The following PTPRM variants were observed in gnomAD, a reference collection of about 807,000 sequenced individuals.
PTPRM encodes the protein receptor-type tyrosine-protein phosphatase mu.
PTPRM carries 47 observed loss-of-function variants against 186.7 expected under a neutral mutation model. The ratio of observed to expected loss-of-function variants is 0.25; its 90% CI spans 0.20 to 0.32. The LOEUF is 0.32. Among genes scored for constraint, PTPRM ranks in the 10% least tolerant of loss-of-function variants. The pLI, the probability that PTPRM is intolerant of heterozygous loss-of-function variation, is 1.00. For synonymous variants in PTPRM, 668 were observed against 674.9 expected (o/e 0.99, Z 0.16); for missense variants, 1,494 against 1,865.0 (o/e 0.80, Z 3.66).
At chr18:8,095,580 G>T (rs906600230) in intron 11 of PTPRM, among the ~76,000 whole-genome samples, 3 of 152,100 alleles carry the variant, frequency 2.0e-5, no homozygotes, top group African/African-American at 7.2e-5. Context: ...AGGAAGAGCT[G>T]CAGCAGCAAT....
chr18:8,401,126 A>G (rs2095870217), intron 32 of PTPRM, among the ~76,000 whole-genome samples: 3 of 151,610 alleles, frequency 2.0e-5, no homozygotes, highest in Admixed American at 2.0e-4. Flanking sequence ...GTTTCCCAGT[A>G]AGCATTTTCT....
intron 23 of PTPRM, among the ~76,000 whole-genome samples, chr18:8,345,753 G>A (rs1295420306): frequency 6.6e-6 from 1 of 151,696 alleles, no homozygotes; most frequent in South Asian, 2.1e-4. Flanking sequence ...CATTTTAAGA[G>A]GTTAGTATAA....
intron 23 of PTPRM, among the ~76,000 whole-genome samples, chr18:8,367,738 C>A (rs1281920313): frequency 6.6e-6 from 1 of 152,182 alleles, no homozygotes. Context: ...CCCAATAATC[C>A]CAAAGAAACC....
intron 7 of PTPRM, among the ~76,000 whole-genome samples, chr18:8,000,510 G>T (rs1234844793): frequency 6.6e-6 from 1 of 152,144 alleles, no homozygotes; most frequent in Non-Finnish European, 1.5e-5. Flanking sequence ...TGGGGGCCCA[G>T]CTTCAATTCA....
chr18:7,730,390 G>T (rs1327983340), intron 1 of PTPRM, among the ~76,000 whole-genome samples: 1 of 152,030 alleles, frequency 6.6e-6, no homozygotes, highest in East Asian at 1.9e-4. Flanking sequence ...GAGTTCCTAT[G>T]GTTCCTCCTC....
At chr18:7,780,656 G>A (rs2042811715) in intron 2 of PTPRM, among the ~76,000 whole-genome samples, 1 of 152,144 alleles carries the variant, frequency 6.6e-6, no homozygotes, top group South Asian at 2.1e-4. Flanking sequence ...TAGCAATGGA[G>A]TTTCTAGCCT....
At chr18:7,727,338 C>G (rs563710736) in intron 1 of PTPRM, among the ~76,000 whole-genome samples, 15 of 152,110 alleles carry the variant, frequency 9.9e-5, no homozygotes, top group African/African-American at 3.6e-4. Context: ...AGTTTATTTT[C>G]TCATCAAGCA....
rs1050832615 is a variant in PTPRM, at chr18:7,711,422, G to A, written c.74-62727G>A. Among the ~76,000 whole-genome samples, 8 of 152,180 alleles carry A rather than the reference G, an allele frequency of 5.3e-5. No homozygotes were observed. The South Asian group carries it at 6.2e-4, about 12-fold the overall frequency. On this transcript the variant is annotated intron_variant, in intron 1 of 32. Transcript: ENST00000580170. ...CTGGGCAGCCATTTGGGCAGACACC[G>A]AGCTAGCTGCAGGAATTTTTTTTCA...
At chr18:7,871,505 T>C (rs1481015035) in intron 2 of PTPRM, among the ~76,000 whole-genome samples, 1 of 152,220 alleles carries the variant, frequency 6.6e-6, no homozygotes, top group East Asian at 1.9e-4. Flanking sequence ...ACTGGAAGCT[T>C]CTGAGGGGCC....
At chr18:8,326,895 G>A (rs192188724) in intron 22 of PTPRM, among the ~76,000 whole-genome samples, 147 of 152,122 alleles carry the variant, frequency 9.7e-4, no homozygotes, top group Non-Finnish European at 1.5e-3. Flanking sequence ...CCCAGCAAAG[G>A]GGCCTTTTCT....
intron 1 of PTPRM, among the ~76,000 whole-genome samples, chr18:7,729,828 T>A (rs909076265): frequency 5.3e-5 from 8 of 152,196 alleles, no homozygotes; most frequent in Non-Finnish European, 1.0e-4. Flanking sequence ...CAACATAAAT[T>A]TAAATCTTAG....
intron 14 of PTPRM, among the ~76,000 whole-genome samples, chr18:8,213,917 T>A (rs2094042193): frequency 6.6e-6 from 1 of 152,236 alleles, no homozygotes; most frequent in African/African-American, 2.4e-5. Context: ...TACCATGGAC[T>A]ACTACTCAGT....
intron 1 of PTPRM, among the ~76,000 whole-genome samples, chr18:7,730,133 G>A (rs2040627809): frequency 6.6e-6 from 1 of 152,104 alleles, no homozygotes. Flanking sequence ...GTAAATGAAA[G>A]TGGCCTCTAA....
intron 2 of PTPRM, among the ~76,000 whole-genome samples, chr18:7,874,261 G>A (rs1262126173): frequency 2.6e-5 from 4 of 152,104 alleles, no homozygotes; most frequent in African/African-American, 9.7e-5. Flanking sequence ...TTTTTCCTTT[G>A]AAATCTATTT....
intron 1 of PTPRM, among the ~76,000 whole-genome samples, chr18:7,634,766 G>A (rs902034032): frequency 5.9e-5 from 9 of 152,070 alleles, no homozygotes; most frequent in Admixed American, 5.9e-4. Context: ...ACAGTGTTTA[G>A]CCAACTTATT....
At chr18:7,707,909 T>A (rs997556456) in intron 1 of PTPRM, among the ~76,000 whole-genome samples, 1 of 152,230 alleles carries the variant, frequency 6.6e-6, no homozygotes, top group African/African-American at 2.4e-5. Context: ...GCCACTACAA[T>A]ATTTCATTTC....
At chr18:7,940,015 T>A (rs953113988) in intron 5 of PTPRM, among the ~76,000 whole-genome samples, 4 of 152,184 alleles carry the variant, frequency 2.6e-5, no homozygotes, top group African/African-American at 9.7e-5. Context: ...CCTCTCCAGG[T>A]GTCACTGTCA....
In PTPRM at chr18:7,567,356, G is replaced by A. The variant is rs2036449881; in HGVS notation, c.-463G>A. The A allele has an allele frequency of 6.7e-6, 1 of 148,928 alleles. No individual in the cohort carries two copies. 9.2% of individuals were successfully genotyped at this position (148,928 alleles called of 1,614,324 possible). On this transcript the variant is annotated 5_prime_UTR_variant, in exon 1 of 33. Coordinates refer to ENST00000580170, the MANE Select transcript of PTPRM (RefSeq NM_001105244.2). The surrounding 1 kb of genome is among the most constrained non-coding windows in gnomAD (Gnocchi z 4.3). ...AAGAGCCCCGCGCGCAGCCGGCGCG[G>A]GCTCGGTCATCGGCGCGCCGCCGCC...
intron 24 of PTPRM, among the ~76,000 whole-genome samples, chr18:8,375,526 C>G (rs1335490908): frequency 1.3e-5 from 2 of 152,188 alleles, no homozygotes; most frequent in African/African-American, 4.8e-5. Context: ...TCATTCATTC[C>G]TACTGCAAGC....
Sources: gnomAD v4.1 joint callset for allele counts (sites outside exome capture counted in the v4.1 genomes callset) on GRCh38, gnomAD v4.1.1 for gene constraint, Gnocchi (gnomAD v3.1) non-coding constraint, MANE v1.5 for transcripts, NCBI Gene and HGNC (gene_info 2026-07-23, HGNC 2026-07-21) for gene names.